The following YEATS2 variants were observed in gnomAD, a reference collection of about 807,000 sequenced individuals.
YEATS2 encodes YEATS domain containing 2.
Under a neutral mutation model 163.2 loss-of-function variants are expected in YEATS2, and 77 were observed. The observed-to-expected ratio is 0.47, with a 90% CI of 0.39 to 0.57. The LOEUF is 0.57. YEATS2 is among the 20% of genes least tolerant of loss of function. The pLI, the probability that YEATS2 is intolerant of heterozygous loss-of-function variation, is 0.00. For missense variants in YEATS2, 1,549 were observed against 1,729.8 expected, an observed-to-expected ratio of 0.90 and a Z score of 1.85; for synonymous variants, 631 against 645.1, an observed-to-expected ratio of 0.98 and a Z score of 0.33.
intron 6 of YEATS2, among the ~76,000 whole-genome samples, chr3:183,727,347 G>A (rs977515354): frequency 6.6e-6 from 1 of 152,160 alleles, no homozygotes; most frequent in Non-Finnish European, 1.5e-5. Context: ...GAAAAATTTA[G>A]ATGAAATGAT....
At chr3:183,806,673 G>A in intron 27 of YEATS2, 193 bp from the exon 28 acceptor site, 1 of 599,634 alleles carries the variant, frequency 1.7e-6, no homozygotes, top group Non-Finnish European at 2.9e-6. Flanking sequence ...CACACAAGAT[G>A]CCTGTGTTTA....
intron 2 of YEATS2, among the ~76,000 whole-genome samples, chr3:183,717,048 A>G (rs1384956987): frequency 1.3e-5 from 2 of 151,122 alleles, no homozygotes; most frequent in Non-Finnish European, 3.0e-5. Context: ...ACCCCCCACT[A>G]CGCCCAGCTA....
chr3:183,810,276 C>T, intron 30 of YEATS2, 199 bp from the exon 31 acceptor site: 3 of 515,738 alleles, frequency 5.8e-6, no homozygotes, highest in Non-Finnish European at 7.0e-6. Context: ...ATTATTCAAC[C>T]AACTTGTTGA....
chr3:183,787,836 A>C (rs1011032627), intron 20 of YEATS2, among the ~76,000 whole-genome samples: 17 of 151,922 alleles, frequency 1.1e-4, no homozygotes, highest in African/African-American at 4.1e-4. Flanking sequence ...TCTCTACTAA[A>C]AATACAAAAA....
intron 7 of YEATS2, among the ~76,000 whole-genome samples, chr3:183,733,116 C>T (rs1424895014): frequency 6.6e-6 from 1 of 152,214 alleles, no homozygotes; most frequent in Non-Finnish European, 1.5e-5. Context: ...CAGGCGTGAG[C>T]CTTGTACCCA....
intron 28 of YEATS2, 58 bp downstream of exon 28, chr3:183,807,150 G>T: frequency 1.3e-6 from 2 of 1,500,174 alleles, no homozygotes; most frequent in South Asian, 2.4e-5. Flanking sequence ...TAGATGTTCA[G>T]ACGTTCAGCT....
intron 1 of YEATS2, among the ~76,000 whole-genome samples, chr3:183,699,510 A>G (rs886619487): frequency 6.6e-6 from 1 of 151,566 alleles, no homozygotes; most frequent in African/African-American, 2.4e-5. Context: ...GATATTCTAG[A>G]CCAGCCTTGG....
intron 19 of YEATS2, among the ~76,000 whole-genome samples, chr3:183,784,549 G>A (rs1450548612): frequency 1.3e-5 from 2 of 152,062 alleles, no homozygotes; most frequent in East Asian, 3.9e-4. Context: ...CATTCTGTAG[G>A]TTGTCTCTAC....
intron 12 of YEATS2, among the ~76,000 whole-genome samples, chr3:183,758,332 G>A (rs112864302): frequency 0.028 from 4,208 of 151,714 alleles, 189 homozygotes; most frequent in African/African-American, 0.095. Context: ...ACTCCACCCC[G>A]GGTGACAGAG....
In YEATS2 at chr3:183,773,774, T is replaced by A; in HGVS notation, c.2348T>A (p.Leu783Gln). The A allele has an allele frequency of 6.2e-7, 1 of 1,609,140 alleles. No homozygotes were observed. The highest frequency in any genetic ancestry group is 8.5e-7 in the Non-Finnish European group (1 of 1,178,692). ...CTGCTGATCCCTCAAGGAGCCATCC[T>A]GCGAGCTACGAACAATGCTAGTTAG... ...KLLLIPQGAI[L>Q]RATNNANLQS... The change falls in exon 17 of 31, where the codon CTG (leucine) becomes CAG (glutamine). Residue 783 changes from leucine (L) to glutamine (Q), a missense_variant. Leu to Gln is a moderately radical substitution (Grantham distance 113, BLOSUM62 -2). Transcript: ENST00000305135.
At chr3:183,742,906 C>T (rs930002893) in intron 8 of YEATS2, among the ~76,000 whole-genome samples, 1 of 152,244 alleles carries the variant, frequency 6.6e-6, no homozygotes, top group Non-Finnish European at 1.5e-5. Context: ...AGGCAAGACC[C>T]TCCACCAACA....
chr3:183,775,467 C>T (rs572600885), intron 17 of YEATS2, among the ~76,000 whole-genome samples: 6 of 152,292 alleles, frequency 3.9e-5, no homozygotes, highest in Admixed American at 1.3e-4. Flanking sequence ...TGGTGGCACA[C>T]GCCTGTAGTC....
Position 183,800,476 on chromosome 3 carries a change from A to T in YEATS2, c.3336A>T (p.Glu1112Asp), listed in dbSNP as rs1356443142. 1.2e-6 allele frequency: 2 copies of T among 1,613,964 alleles called. No individual in the cohort carries two copies. The highest frequency in any genetic ancestry group is 1.7e-6 in the Non-Finnish European group (2 of 1,179,888). Residue 1112 changes from glutamate to aspartate, a missense_variant, in exon 24 of 31, where the codon GAA (glutamate) becomes GAT (aspartate). Coordinates refer to ENST00000305135, the MANE Select transcript of YEATS2 (RefSeq NM_018023.5). ...APAAVAKVKTEPETPGPSCLS... is the reference protein window; with the variant it reads ...APAAVAKVKTDPETPGPSCLS... The stretch of plus-strand genomic sequence containing the variant: ...GCTCTTCCCTTGTAGTGAAGACTGA[A>T]CCAGAAACACCTGGACCGAGTTGCC...
At chr3:183,715,420 A>G (rs1432630871) in intron 2 of YEATS2, among the ~76,000 whole-genome samples, 158 bp downstream of exon 2, 2 of 152,154 alleles carry the variant, frequency 1.3e-5, no homozygotes, top group African/African-American at 4.8e-5. Context: ...GTAATACACC[A>G]TGTGTGCTGT....
intron 19 of YEATS2, among the ~76,000 whole-genome samples, chr3:183,779,306 A>T (rs1387527127): frequency 6.6e-6 from 1 of 152,220 alleles, no homozygotes; most frequent in Non-Finnish European, 1.5e-5. Flanking sequence ...AATTACCAGC[A>T]TTTGGTGTCC....
chr3:183,736,017 C>T (rs1718300381), intron 7 of YEATS2, among the ~76,000 whole-genome samples: 1 of 152,098 alleles, frequency 6.6e-6, no homozygotes, highest in Non-Finnish European at 1.5e-5. Context: ...TGGAAAATTT[C>T]AGACATATAT....
rs375575862 is a variant in YEATS2, at chr3:183,798,993, C to T, written c.3325+4C>T. 5.9e-5 allele frequency: 95 copies of T among 1,608,834 alleles called. No homozygotes were observed. The highest frequency in any genetic ancestry group is 7.1e-5 in the Non-Finnish European group (84 of 1,175,302). ...GCTCCAGCAGCTGTTGCAAAAGGTA[C>T]GTAGGATCTCACAGAGTTCTCGTCC... On this transcript the variant is annotated splice_donor_region_variant and intron_variant, in intron 23 of 30. Transcript: ENST00000305135.
At chr3:183,735,476 C>G (rs1718239477) in intron 7 of YEATS2, among the ~76,000 whole-genome samples, 1 of 152,142 alleles carries the variant, frequency 6.6e-6, no homozygotes, top group Non-Finnish European at 1.5e-5. Flanking sequence ...GCTTTCTTTT[C>G]TCTTTGGTTT....
chr3:183,718,420 G>T lies in YEATS2; in HGVS notation c.199-80G>T. On this transcript the variant is annotated intron_variant, in intron 3 of 30. Coordinates refer to ENST00000305135, the MANE Select transcript of YEATS2 (RefSeq NM_018023.5). ...GAGCTTTTTTTTTTCACTCATTCAC[G>T]TTTCTTATTTTGTGAATTGTTTGTA... is the stretch of plus-strand genomic sequence containing the variant. 5.8e-6 allele frequency: 6 copies of T among 1,042,576 alleles called. No homozygotes were observed. In the South Asian group the frequency reaches 6.8e-5, roughly 12 times the overall value. 64.6% of individuals were successfully genotyped at this position (1,042,576 alleles called of 1,614,324 possible). A position where few individuals can be genotyped will look rare whatever the true frequency, so the allele number is the denominator to read the frequency against.
Sources: gnomAD v4.1 joint callset for allele counts (sites outside exome capture counted in the v4.1 genomes callset) on GRCh38, gnomAD v4.1.1 for gene constraint, MANE v1.5 for transcripts, NCBI Gene and HGNC (gene_info 2026-07-23, HGNC 2026-07-21) for gene names.